TSPAN18: variants seen among roughly 807,000 people sequenced by gnomAD.
TSPAN18 encodes the protein tetraspanin 18, also known as tetraspanin-18.
In TSPAN18, 14 loss-of-function variants were observed where a neutral mutation model predicts 27.3. The ratio of observed to expected loss-of-function variants is 0.51; its 90% CI spans 0.34 to 0.80. The LOEUF (loss-of-function observed/expected upper bound fraction) is 0.80. Ranked by LOEUF, TSPAN18 falls within the 30% of genes least tolerant of loss-of-function variation. The pLI, the probability that TSPAN18 is intolerant of heterozygous loss-of-function variation, is 0.01. For synonymous variants in TSPAN18, 143 were observed against 136.5 expected (o/e 1.05, Z -0.33); for missense variants, 268 against 323.9 (o/e 0.83, Z 1.32).
At chr11:44,811,188 C>T (rs1856708661) in intron 2 of TSPAN18, among the ~76,000 whole-genome samples, 1 of 149,964 alleles carries the variant, frequency 6.7e-6, no homozygotes, top group Non-Finnish European at 1.5e-5. Context: ...CTGCCTGTGC[C>T]TTCTCATACT....
chr11:44,728,805 G>A (rs143307602), intron 1 of TSPAN18, among the ~76,000 whole-genome samples: 145 of 152,304 alleles, frequency 9.5e-4, no homozygotes, highest in African/African-American at 3.3e-3. Context: ...CATGTGCGGG[G>A]CTAACATTGA....
chr11:44,837,845 T>G (rs563278522), intron 2 of TSPAN18, among the ~76,000 whole-genome samples: 48 of 152,388 alleles, frequency 3.1e-4, no homozygotes, highest in African/African-American at 1.1e-3. Context: ...TTTACATTTT[T>G]TTTAAACAAT....
chr11:44,762,726 G>A (rs1855482478), intron 1 of TSPAN18, among the ~76,000 whole-genome samples: 1 of 151,966 alleles, frequency 6.6e-6, no homozygotes, highest in African/African-American at 2.4e-5. Flanking sequence ...GTCCCCCTGC[G>A]CTGACACTGC....
intron 5 of TSPAN18, 116 bp downstream of exon 5, chr11:44,910,015 C>T (rs769846185): frequency 3.1e-6 from 4 of 1,286,664 alleles, no homozygotes; most frequent in African/African-American, 1.5e-5. Context: ...CAAACTGGGG[C>T]GGGCTGTCAA....
At chr11:44,742,947 G>C (rs958404693) in intron 1 of TSPAN18, among the ~76,000 whole-genome samples, 21 of 152,332 alleles carry the variant, frequency 1.4e-4, no homozygotes, top group African/African-American at 4.6e-4. Context: ...AGCTTCATGG[G>C]GGGGCTGGCA....
At chr11:44,882,587 G>GAGAC (rs1554997009) in intron 3 of TSPAN18, among the ~76,000 whole-genome samples, 3 of 130,770 alleles carry the variant, frequency 2.3e-5, no homozygotes, top group East Asian at 2.4e-4. Context: ...CAGAGAGAGA[G>GAGAC]ACACACACAC....
intron 6 of TSPAN18, among the ~76,000 whole-genome samples, chr11:44,918,542 C>CG (rs1314890179): frequency 1.9e-5 from 1 of 51,864 alleles, no homozygotes; most frequent in African/African-American, 7.6e-5. Context: ...GAGACTGGGG[C>CG]GGGGGGTTGG....
intron 2 of TSPAN18, among the ~76,000 whole-genome samples, chr11:44,768,945 G>A (rs1239872917): frequency 6.9e-6 from 1 of 144,734 alleles, no homozygotes; most frequent in Non-Finnish European, 1.5e-5. Flanking sequence ...TGCCCAGGCT[G>A]GAGTGCAGTG....
chr11:44,896,554 A>T (rs1436771488), intron 3 of TSPAN18, among the ~76,000 whole-genome samples: 2 of 152,090 alleles, frequency 1.3e-5, no homozygotes, highest in African/African-American at 2.4e-5. Context: ...TTTAGGCCAA[A>T]TAGGGGTGCC....
At chr11:44,873,641 G>A (rs541830419) in intron 3 of TSPAN18, among the ~76,000 whole-genome samples, 1 of 152,362 alleles carries the variant, frequency 6.6e-6, no homozygotes, top group South Asian at 2.1e-4. Flanking sequence ...TGGGGAAGCT[G>A]AGGGGTCTGC....
At chr11:44,798,513 ACTTGGTAGCCTCCCCCATCTGGCCCAGAC>A (rs1425924668) in intron 2 of TSPAN18, among the ~76,000 whole-genome samples, 3 of 152,114 alleles carry the variant, frequency 2.0e-5, no homozygotes, top group Non-Finnish European at 4.4e-5. Context: ...CCTGTGAGGG[ACTTGGTAGCCTCCCCCATCTGGCCCAGAC>A]CATGGCTAAG....
chr11:44,781,672 C>A (rs1306200060), intron 2 of TSPAN18, among the ~76,000 whole-genome samples: 1 of 152,144 alleles, frequency 6.6e-6, no homozygotes, highest in Non-Finnish European at 1.5e-5. Flanking sequence ...ACACACTTAC[C>A]CAGCAACTTT....
At chr11:44,844,530 G>A in intron 2 of TSPAN18, among the ~76,000 whole-genome samples, 1 of 152,208 alleles carries the variant, frequency 6.6e-6, no homozygotes, top group East Asian at 1.9e-4. Flanking sequence ...TAGCTAACTG[G>A]TGGGTCTGTA....
At chr11:44,919,777 C>A in intron 7 of TSPAN18, 40 bp from the exon 8 acceptor site, 4 of 1,605,892 alleles carry the variant, frequency 2.5e-6, no homozygotes, top group Non-Finnish European at 3.4e-6. Flanking sequence ...CCTGTGTCCT[C>A]CTCCTGCCCA....
intron 2 of TSPAN18, among the ~76,000 whole-genome samples, chr11:44,787,721 C>T (rs1305154529): frequency 6.6e-6 from 1 of 152,216 alleles, no homozygotes; most frequent in East Asian, 1.9e-4. Flanking sequence ...ATGTGAAGAT[C>T]ATCTGTGCCC....
At chr11:44,910,948 C>T (rs929981398) in intron 5 of TSPAN18, among the ~76,000 whole-genome samples, 6 of 152,178 alleles carry the variant, frequency 3.9e-5, no homozygotes, top group African/African-American at 9.7e-5. Flanking sequence ...AGGGGGCCGA[C>T]CAGCTCAGCT....
At chr11:44,773,685 G>C (rs923430112) in intron 2 of TSPAN18, among the ~76,000 whole-genome samples, 1 of 152,106 alleles carries the variant, frequency 6.6e-6, no homozygotes, top group East Asian at 1.9e-4. Context: ...GGGTTGCTGT[G>C]GGGGGATGGG....
intron 1 of TSPAN18, among the ~76,000 whole-genome samples, chr11:44,733,350 G>A (rs1400093538): frequency 6.6e-6 from 1 of 152,194 alleles, no homozygotes. Flanking sequence ...ATTACAGACT[G>A]TGTCTATTGA....
At chr11:44,734,976 G>A (rs530742527) in intron 1 of TSPAN18, among the ~76,000 whole-genome samples, 15 of 152,336 alleles carry the variant, frequency 9.8e-5, no homozygotes, top group African/African-American at 3.6e-4. Flanking sequence ...CAGAAACACC[G>A]CCCTCCATGG....
Sources: gnomAD v4.1 joint callset for allele counts (sites outside exome capture counted in the v4.1 genomes callset) on GRCh38, gnomAD v4.1.1 for gene constraint, MANE v1.5 for transcripts, NCBI Gene and HGNC (gene_info 2026-07-23, HGNC 2026-07-21) for gene names.